The following DCC variants were observed in gnomAD, a reference collection of about 807,000 sequenced individuals.
The protein encoded by DCC is netrin receptor DCC.
In DCC, 58 loss-of-function variants were observed where a neutral mutation model predicts 172.5. The observed-to-expected ratio is 0.34, with a 90% CI of 0.27 to 0.42. DCC has a LOEUF of 0.42. Ranked by LOEUF, DCC falls within the 10% of genes least tolerant of loss-of-function variation. The probability of loss-of-function intolerance (pLI) is 1.00; values close to 1 mark genes in which losing one functional copy is unlikely to be tolerated. For synonymous variants in DCC, 709 were observed against 644.5 expected, an observed-to-expected ratio of 1.10 and a Z score of -1.52; for missense variants, 1,740 against 1,791.0, an observed-to-expected ratio of 0.97 and a Z score of 0.51.
chr18:52,656,034 A>G (rs1280413093), intron 1 of DCC, among the ~76,000 whole-genome samples: 1 of 144,790 alleles, frequency 6.9e-6, no homozygotes, highest in Non-Finnish European at 1.5e-5. Context: ...ATATGTATAT[A>G]TGTGTGTATA....
chr18:53,325,616 A>G (rs1419624495), intron 14 of DCC, among the ~76,000 whole-genome samples: 1 of 152,214 alleles, frequency 6.6e-6, no homozygotes, highest in African/African-American at 2.4e-5. Context: ...ATCTATTTCA[A>G]TCAAGAATCT....
At chr18:53,239,986 T>TA (rs1362203927) in intron 12 of DCC, among the ~76,000 whole-genome samples, 5 of 51,078 alleles carry the variant, frequency 9.8e-5, no homozygotes, top group Admixed American at 1.9e-4. Context: ...TGAGAAAATA[T>TA]AAAAAAACAT....
At chr18:52,368,242 ATT>A (rs1984963251) in intron 1 of DCC, among the ~76,000 whole-genome samples, 1 of 152,116 alleles carries the variant, frequency 6.6e-6, no homozygotes, top group Non-Finnish European at 1.5e-5. Context: ...GTCTTGAACT[ATT>A]TATCCCCATT....
chr18:53,183,655 CTAT>C (rs2055233247), intron 9 of DCC, among the ~76,000 whole-genome samples: 3 of 151,974 alleles, frequency 2.0e-5, no homozygotes, highest in African/African-American at 7.2e-5. Context: ...TATTCTTAGT[CTAT>C]TATATTCTTT....
Position 53,450,658 on chromosome 18 carries a change from A to C in DCC, c.3388A>C (p.Arg1130=). The C allele has an allele frequency of 6.2e-7, 1 of 1,612,880 alleles. No homozygotes were observed. The highest frequency in any genetic ancestry group is 1.1e-5 in the South Asian group (1 of 91,070). The stretch of plus-strand genomic sequence containing the variant: ...CACCCGACGCTCTTCAGCCCAGCAG[A>C]GAAAGTAGGTAACAGCTGGTTCCCA... ...ICTRRSSAQQ[R]KKRATHSAGK... The change falls in exon 23 of 29, where the codon AGA becomes CGA. Residue 1130 remains arginine (R), a synonymous_variant. Coordinates refer to ENST00000442544, the MANE Select transcript of DCC (RefSeq NM_005215.4).
At chr18:53,176,953 G>T (rs947143747) in intron 8 of DCC, among the ~76,000 whole-genome samples, 1 of 151,652 alleles carries the variant, frequency 6.6e-6, no homozygotes, top group Admixed American at 6.6e-5. Flanking sequence ...TGATAGACTG[G>T]ATTAAGAAAA....
chr18:52,502,894 C>T (rs1235659283), intron 1 of DCC, among the ~76,000 whole-genome samples: 1 of 152,150 alleles, frequency 6.6e-6, no homozygotes, highest in East Asian at 1.9e-4. Flanking sequence ...TTTTGCAGTT[C>T]TTCCTATTTG....
At chr18:52,852,613 C>T (rs2038993648) in intron 2 of DCC, among the ~76,000 whole-genome samples, 1 of 152,030 alleles carries the variant, frequency 6.6e-6, no homozygotes, top group Non-Finnish European at 1.5e-5. Flanking sequence ...TAAATAGACA[C>T]TTACCAAGTG....
At chr18:52,842,950 C>A (rs535122674) in intron 2 of DCC, among the ~76,000 whole-genome samples, 1 of 152,082 alleles carries the variant, frequency 6.6e-6, no homozygotes, top group Non-Finnish European at 1.5e-5. Context: ...TCGGAGAAAT[C>A]GATCATTCTA....
intron 2 of DCC, among the ~76,000 whole-genome samples, chr18:52,861,505 T>C (rs2039141672): frequency 6.6e-6 from 1 of 152,222 alleles, no homozygotes; most frequent in Non-Finnish European, 1.5e-5. Flanking sequence ...ATGAATAGTT[T>C]CCAAATTTTG....
intron 2 of DCC, among the ~76,000 whole-genome samples, chr18:52,788,324 T>A (rs2037696915): frequency 6.6e-6 from 1 of 152,184 alleles, no homozygotes; most frequent in Non-Finnish European, 1.5e-5. Flanking sequence ...ATGAAAAACC[T>A]GGTTAGTAAG....
intron 27 of DCC, among the ~76,000 whole-genome samples, chr18:53,524,023 G>C (rs2046428860): frequency 6.6e-6 from 1 of 151,930 alleles, no homozygotes; most frequent in Admixed American, 6.6e-5. Flanking sequence ...TGGTCAAATG[G>C]TACAAAATTT....
At chr18:52,882,740 G>A (rs759458469) in intron 2 of DCC, among the ~76,000 whole-genome samples, 8 of 152,018 alleles carry the variant, frequency 5.3e-5, no homozygotes, top group Non-Finnish European at 1.2e-4. Context: ...TGCAATCATT[G>A]GATGAAATGT....
intron 1 of DCC, among the ~76,000 whole-genome samples, chr18:52,357,184 C>T (rs1442314067): frequency 3.3e-5 from 5 of 152,100 alleles, no homozygotes; most frequent in Admixed American, 1.3e-4. Context: ...TAAAAAAATG[C>T]CACCTAGCAC....
intron 27 of DCC, among the ~76,000 whole-genome samples, chr18:53,507,008 C>G (rs1259950561): frequency 1.3e-5 from 2 of 152,148 alleles, no homozygotes; most frequent in Non-Finnish European, 2.9e-5. Context: ...GGTCTTTCCT[C>G]TTTAAGGAGG....
intron 1 of DCC, among the ~76,000 whole-genome samples, chr18:52,672,522 C>G (rs1249966118): frequency 6.6e-6 from 1 of 151,156 alleles, no homozygotes; most frequent in East Asian, 1.9e-4. Context: ...TTCCTCATTC[C>G]TTCTCCCTTC....
At chr18:53,162,125 C>T (rs576339893) in intron 8 of DCC, among the ~76,000 whole-genome samples, 97 of 152,084 alleles carry the variant, frequency 6.4e-4, no homozygotes, top group African/African-American at 2.2e-3. Context: ...ATAATGAAAC[C>T]CCGTTTCCAC....
chr18:52,943,965 C>A (rs2040502595), intron 5 of DCC, among the ~76,000 whole-genome samples: 1 of 152,080 alleles, frequency 6.6e-6, no homozygotes, highest in Non-Finnish European at 1.5e-5. Flanking sequence ...GCCATGTTGG[C>A]CAAATTGGTC....
chr18:52,916,590 G>T (rs920301493), intron 3 of DCC, among the ~76,000 whole-genome samples: 4 of 152,120 alleles, frequency 2.6e-5, no homozygotes, highest in Non-Finnish European at 4.4e-5. Flanking sequence ...ATGGGTAAAA[G>T]ATCTATTCAA....
Sources: gnomAD v4.1 joint callset for allele counts (sites outside exome capture counted in the v4.1 genomes callset) on GRCh38, gnomAD v4.1.1 for gene constraint, MANE v1.5 for transcripts, NCBI Gene and HGNC (gene_info 2026-07-23, HGNC 2026-07-21) for gene names.